ZHX2: variants seen among roughly 807,000 people sequenced by gnomAD.
ZHX2 encodes zinc fingers and homeoboxes 2.
In ZHX2, 6 loss-of-function variants were observed where a neutral mutation model predicts 21.9. The observed-to-expected ratio is 0.27, with a 90% CI of 0.15 to 0.54. ZHX2 has a LOEUF of 0.54. Among genes scored for constraint, ZHX2 ranks in the 20% least tolerant of loss-of-function variants. The probability of loss-of-function intolerance (pLI) is 0.95; values close to 1 mark genes in which losing one functional copy is unlikely to be tolerated. For synonymous variants in ZHX2, 434 were observed against 437.1 expected (o/e 0.99, Z 0.09); for missense variants, 908 against 1,090.7 (o/e 0.83, Z 2.36).
At chr8:122,938,161 C>T (rs1420122949) in intron 2 of ZHX2, among the ~76,000 whole-genome samples, 6 of 150,144 alleles carry the variant, frequency 4.0e-5, no homozygotes, top group Non-Finnish European at 7.4e-5. Context: ...TCTCGATCTC[C>T]TGACCTCGTG....
intron 1 of ZHX2, among the ~76,000 whole-genome samples, chr8:122,820,988 G>A (rs1450982533): frequency 6.6e-6 from 1 of 152,124 alleles, no homozygotes; most frequent in Non-Finnish European, 1.5e-5. Context: ...TAAAACCTCT[G>A]CACATTGTGC....
At chr8:122,859,078 G>A (rs1232124214) in intron 1 of ZHX2, among the ~76,000 whole-genome samples, 3 of 152,208 alleles carry the variant, frequency 2.0e-5, no homozygotes, top group Non-Finnish European at 4.4e-5. Flanking sequence ...GCCCAGCTGA[G>A]GAGGAAACCA....
At chr8:122,794,186 G>T (rs1057484779) in intron 1 of ZHX2, among the ~76,000 whole-genome samples, 1 of 152,122 alleles carries the variant, frequency 6.6e-6, no homozygotes, top group Admixed American at 6.5e-5. Context: ...GAGAGTCTGG[G>T]TGTGTTGAAA....
At chr8:122,786,260 C>T (rs1392087267) in intron 1 of ZHX2, among the ~76,000 whole-genome samples, 3 of 152,186 alleles carry the variant, frequency 2.0e-5, no homozygotes, top group Non-Finnish European at 2.9e-5. Context: ...TGGGCCCTAG[C>T]TGCAGCTCCA....
At chr8:122,903,886 C>A (rs1328901042) in intron 2 of ZHX2, among the ~76,000 whole-genome samples, 1 of 152,014 alleles carries the variant, frequency 6.6e-6, no homozygotes, top group African/African-American at 2.4e-5. Context: ...TGATGAACCA[C>A]CACTTCCAAG....
At position 122,809,526 on chromosome 8, in the gene ZHX2, GA is replaced by G. The variant is rs1239758484; in HGVS notation, c.-283+27589del. Among the ~76,000 whole-genome samples, 85 of 150,174 alleles carry G rather than the reference GA, an allele frequency of 5.7e-4. No homozygotes were observed. In the East Asian group the frequency reaches 0.012, roughly 21 times the overall value. ...AAAGAACAAAAAAAAAGAGAGAAAG[GA>G]AAAAAAAAGAAAGAGGAATTGGAAA... On this transcript the variant is annotated intron_variant, in intron 1 of 3. Coordinates refer to ENST00000314393, the MANE Select transcript of ZHX2 (RefSeq NM_014943.5).
At chr8:122,961,915 G>A (rs1021154203) in intron 3 of ZHX2, among the ~76,000 whole-genome samples, 2 of 152,178 alleles carry the variant, frequency 1.3e-5, no homozygotes, top group African/African-American at 2.4e-5. Context: ...TCTATATGGA[G>A]AAGAACTTGG....
chr8:122,783,561 G>T (rs1738352239), intron 1 of ZHX2, among the ~76,000 whole-genome samples: 1 of 152,150 alleles, frequency 6.6e-6, no homozygotes, highest in African/African-American at 2.4e-5. Flanking sequence ...AGTGAAGGGG[G>T]TGAGGTTCTG....
chr8:122,942,628 C>G (rs1454238645), intron 2 of ZHX2, among the ~76,000 whole-genome samples: 1 of 152,176 alleles, frequency 6.6e-6, no homozygotes, highest in Non-Finnish European at 1.5e-5. Flanking sequence ...CTGCAGGAGG[C>G]CTCTGCAGTC....
chr8:122,919,247 C>T (rs979306968), intron 2 of ZHX2, among the ~76,000 whole-genome samples: 3 of 152,204 alleles, frequency 2.0e-5, no homozygotes, highest in Non-Finnish European at 4.4e-5. Context: ...TTGAGGTGTG[C>T]AGCTTAAGTT....
intron 1 of ZHX2, among the ~76,000 whole-genome samples, chr8:122,808,002 T>C (rs1157114484): frequency 6.6e-6 from 1 of 152,208 alleles, no homozygotes; most frequent in African/African-American, 2.4e-5. Flanking sequence ...CCAGCCTTGT[T>C]ATTGGGAGAG....
intron 2 of ZHX2, among the ~76,000 whole-genome samples, chr8:122,916,132 A>G (rs1820596036): frequency 6.6e-6 from 1 of 152,160 alleles, no homozygotes; most frequent in South Asian, 2.1e-4. Context: ...TGCCTTTCAG[A>G]GCATCCGCCT....
chr8:122,928,107 A>G (rs779046663), intron 2 of ZHX2, among the ~76,000 whole-genome samples: 1 of 152,082 alleles, frequency 6.6e-6, no homozygotes, highest in Non-Finnish European at 1.5e-5. Context: ...ACTAGACTTA[A>G]GCTCCAAGAG....
chr8:122,928,115 G>C (rs1276070893), intron 2 of ZHX2, among the ~76,000 whole-genome samples: 1 of 152,056 alleles, frequency 6.6e-6, no homozygotes, highest in African/African-American at 2.4e-5. Flanking sequence ...TAAGCTCCAA[G>C]AGGACAGCCC....
intron 2 of ZHX2, among the ~76,000 whole-genome samples, chr8:122,928,629 C>T (rs1348181680): frequency 6.6e-6 from 1 of 152,176 alleles, no homozygotes; most frequent in Non-Finnish European, 1.5e-5. Context: ...GAAGGAAAGT[C>T]ATTCGATTCC....
At chr8:122,963,567 A>T (rs998778983) in intron 3 of ZHX2, among the ~76,000 whole-genome samples, 1 of 151,818 alleles carries the variant, frequency 6.6e-6, no homozygotes, top group African/African-American at 2.4e-5. Flanking sequence ...ATGCCCCCAG[A>T]TTTGTTCTTT....
In ZHX2 at chr8:122,951,865, A is replaced by G. The variant is rs915746490; in HGVS notation, c.355A>G (p.Thr119Ala). 6.2e-7 allele frequency: 1 copy of G among 1,614,164 alleles called. No homozygotes were observed. The highest frequency in any genetic ancestry group is 1.3e-5 in the African/African-American group (1 of 75,032). Residue 119 changes from threonine (T) to alanine (A), a missense_variant, in exon 3 of 4, where the codon ACC becomes GCC. Physicochemically the swap from Thr to Ala is moderately conservative, Grantham distance 58 (BLOSUM62 0). Around this residue, in one of 4 missense-constraint regions of ZHX2, gnomAD observed 220 missense variants for 251.4 expected, o/e 0.88. Coordinates refer to ENST00000314393, the MANE Select transcript of ZHX2 (RefSeq NM_014943.5). ...LYVCAECNFT[T>A]KKYDSLSDHN... ...CGTGTGTGCAGAATGTAACTTCACAACCAAAAAGTACGACTCCCTATCCGA... is the reference window on the plus strand; with the variant it reads ...CGTGTGTGCAGAATGTAACTTCACAGCCAAAAAGTACGACTCCCTATCCGA...
intron 2 of ZHX2, among the ~76,000 whole-genome samples, chr8:122,914,820 C>A (rs962039435): frequency 6.6e-6 from 1 of 152,176 alleles, no homozygotes; most frequent in African/African-American, 2.4e-5. Context: ...GTAATTGAGT[C>A]GTTCCTAGAG....
At chr8:122,877,166 G>A (rs1162829623) in intron 2 of ZHX2, among the ~76,000 whole-genome samples, 1 of 152,146 alleles carries the variant, frequency 6.6e-6, no homozygotes, top group Non-Finnish European at 1.5e-5. Flanking sequence ...TAACCTCTCT[G>A]TGCCTCAATT....
Sources: allele counts gnomAD v4.1 joint callset (sites outside exome capture counted in the v4.1 genomes callset), GRCh38; gene constraint gnomAD v4.1.1; regional missense constraint gnomAD v4.1.1; transcripts MANE v1.5; gene names NCBI Gene and HGNC (gene_info 2026-07-23, HGNC 2026-07-21).